The following CRADD variants were observed in gnomAD, a reference collection of about 807,000 sequenced individuals.
CRADD encodes the protein CARD and death domain containing adaptor protein, also known as death domain-containing protein CRADD.
In CRADD, 9 loss-of-function variants were observed where a neutral mutation model predicts 15.5. The ratio of observed to expected loss-of-function variants is 0.58; its 90% CI spans 0.35 to 1.01. The LOEUF is 1.01. CRADD is among the 50% of genes least tolerant of loss of function. The probability of loss-of-function intolerance (pLI) is 0.02; values close to 1 mark genes in which losing one functional copy is unlikely to be tolerated. For missense variants in CRADD, 227 were observed against 250.3 expected (o/e 0.91, Z 0.63); for synonymous variants, 118 against 107.6 (o/e 1.10, Z -0.60).
intron 2 of CRADD, among the ~76,000 whole-genome samples, chr12:93,681,045 C>T (rs560029543): frequency 5.3e-5 from 8 of 152,100 alleles, no homozygotes; most frequent in African/African-American, 1.2e-4. Flanking sequence ...CCACCATGCT[C>T]GGCTAATTTT....
chr12:93,796,665 A>G (rs1957422231), intron 2 of CRADD, among the ~76,000 whole-genome samples: 1 of 150,628 alleles, frequency 6.6e-6, no homozygotes, highest in Non-Finnish European at 1.5e-5. Context: ...ATTTACTTTT[A>G]GATCAATGAA....
At chr12:93,746,441 C>A (rs527394716) in intron 2 of CRADD, among the ~76,000 whole-genome samples, 1 of 152,296 alleles carries the variant, frequency 6.6e-6, no homozygotes, top group East Asian at 1.9e-4. Flanking sequence ...GAAGATTGGC[C>A]ATTCTTTCCG....
chr12:93,802,020 T>A (rs1344273909), intron 2 of CRADD, among the ~76,000 whole-genome samples: 2 of 152,228 alleles, frequency 1.3e-5, no homozygotes, highest in African/African-American at 4.8e-5. Flanking sequence ...CAAAAGACAT[T>A]ATTTCATTCC....
chr12:93,777,543 T>C (rs925626738), intron 2 of CRADD, among the ~76,000 whole-genome samples: 1 of 152,212 alleles, frequency 6.6e-6, no homozygotes, highest in Non-Finnish European at 1.5e-5. Flanking sequence ...CCAACGAAGA[T>C]GAGGCCCTCA....
rs945598447 is a variant in CRADD, at chr12:93,835,868, G to A, written c.299-14102G>A. On this transcript the variant is annotated intron_variant, in intron 2 of 2. Coordinates refer to ENST00000332896, the MANE Select transcript of CRADD (RefSeq NM_003805.5). ...TGTTTGGGTGACTGTGGCCTTTGGG[G>A]CTCTGATCCACTGGGGTGATTTCTC... Among the ~76,000 whole-genome samples, 30 of 151,988 alleles carry A rather than the reference G, an allele frequency of 2.0e-4. 1 individual carries two copies. Among genetic ancestry groups the A allele is most frequent in the Non-Finnish European group, 2.9e-5 (2 of 67,996 alleles).
At chr12:93,849,092 G>A (rs1199084031) in intron 2 of CRADD, 2 of 152,118 alleles carry the variant, frequency 1.3e-5, no homozygotes, top group Admixed American at 6.5e-5. Context: ...ACGTTTTCTC[G>A]GTAATATTTC....
At chr12:93,848,714 G>A (rs1209377019) in intron 2 of CRADD, 1 of 152,116 alleles carries the variant, frequency 6.6e-6, no homozygotes, top group African/African-American at 2.4e-5. Context: ...TAGTGTTCAG[G>A]GCTTAGCTTT....
chr12:93,718,764 CTT>C (rs930413047), intron 2 of CRADD, among the ~76,000 whole-genome samples: 5 of 144,134 alleles, frequency 3.5e-5, no homozygotes, highest in African/African-American at 2.5e-5. Flanking sequence ...AATTTTCTCT[CTT>C]TTTTTTTTTT....
At chr12:93,833,132 AGT>A (rs1957929335) in intron 2 of CRADD, among the ~76,000 whole-genome samples, 1 of 152,232 alleles carries the variant, frequency 6.6e-6, no homozygotes, top group African/African-American at 2.4e-5. Context: ...ACAAATGCTA[AGT>A]GTTCATTATA....
chr12:93,738,272 A>G, intron 2 of CRADD: 2 of 668,438 alleles, frequency 3.0e-6, no homozygotes, highest in Non-Finnish European at 5.4e-6. Context: ...CAAAAGTGTC[A>G]GACTGTGGGG....
Position 93,797,742 on chromosome 12 carries a change from C to T in CRADD, c.299-52228C>T, listed in dbSNP as rs1957435245. Reference sequence around the variant, plus strand: ...TAATTCTATTACAATTTTTTTATTGCACAAAGAACATTATAACAATGCATA... The same window carrying T: ...TAATTCTATTACAATTTTTTTATTGTACAAAGAACATTATAACAATGCATA... On this transcript the variant is annotated intron_variant, in intron 2 of 2. Transcript: ENST00000332896. 5.3e-5 allele frequency among the ~76,000 whole-genome samples: 8 copies of T among 152,044 alleles called. No individual in the cohort carries two copies. In the South Asian group the frequency reaches 1.7e-3, roughly 32 times the overall value.
At chr12:93,794,144 C>T (rs1406550190) in intron 2 of CRADD, among the ~76,000 whole-genome samples, 2 of 152,140 alleles carry the variant, frequency 1.3e-5, no homozygotes, top group Non-Finnish European at 2.9e-5. Flanking sequence ...CACATGTTCT[C>T]ATTTCTTCTG....
chr12:93,837,554 C>T (rs1957988668), intron 2 of CRADD: 1 of 144,512 alleles, frequency 6.9e-6, no homozygotes, highest in Admixed American at 6.8e-5. Flanking sequence ...AGGCATGAGC[C>T]ACCGGGCGGT....
downstream of CRADD, among the ~76,000 whole-genome samples, chr12:93,852,620 A>G (rs1032058635): frequency 6.6e-6 from 1 of 152,234 alleles, no homozygotes; most frequent in African/African-American, 2.4e-5. Flanking sequence ...GCCATGAAGA[A>G]TAATGCTACA....
chr12:93,840,442 C>T (rs1315930196), intron 2 of CRADD, among the ~76,000 whole-genome samples: 1 of 152,138 alleles, frequency 6.6e-6, no homozygotes, highest in Non-Finnish European at 1.5e-5. Flanking sequence ...AGTCCTCTTA[C>T]TCTAATAGAT....
downstream of CRADD, among the ~76,000 whole-genome samples, chr12:93,852,338 G>A (rs181103500): frequency 1.7e-3 from 258 of 152,300 alleles, no homozygotes; most frequent in African/African-American, 5.7e-3. Flanking sequence ...TCATCTTTCC[G>A]CCATTCACCA....
At chr12:93,839,996 T>G (rs1490405533) in intron 2 of CRADD, among the ~76,000 whole-genome samples, 2 of 152,246 alleles carry the variant, frequency 1.3e-5, no homozygotes, top group Non-Finnish European at 2.9e-5. Context: ...CCATGAACTT[T>G]ATAGTTTTAC....
chr12:93,719,579 A>G (rs572173438), intron 2 of CRADD, among the ~76,000 whole-genome samples: 1 of 152,290 alleles, frequency 6.6e-6, no homozygotes, highest in Admixed American at 6.5e-5. Flanking sequence ...TGGGCTTGGT[A>G]CTTTCTATTT....
chr12:93,821,842 G>A (rs570486024), intron 2 of CRADD, among the ~76,000 whole-genome samples: 1 of 152,172 alleles, frequency 6.6e-6, no homozygotes, highest in African/African-American at 2.4e-5. Context: ...AGCAGGCCAG[G>A]TGTGGTGGCT....
Sources: gnomAD v4.1 joint callset for allele counts (sites outside exome capture counted in the v4.1 genomes callset) on GRCh38, gnomAD v4.1.1 for gene constraint, MANE v1.5 for transcripts, NCBI Gene and HGNC (gene_info 2026-07-23, HGNC 2026-07-21) for gene names.